Variants in SGSM1 observed in about 807,000 individuals in gnomAD.
SGSM1 encodes small G protein signaling modulator 1.
In SGSM1, 73 loss-of-function variants were observed where a neutral mutation model predicts 133.8. That is an observed-to-expected ratio of 0.55 (90% CI 0.45 to 0.66). The LOEUF is 0.66. Ranked by LOEUF, SGSM1 falls within the 30% of genes least tolerant of loss-of-function variation. SGSM1 has a pLI of 0.00. For synonymous variants in SGSM1, 563 were observed against 573.0 expected (o/e 0.98, Z 0.25); for missense variants, 1,213 against 1,448.1 (o/e 0.84, Z 2.64).
rs562992582 is a variant in SGSM1, at chr22:24,813,915, C to T, written c.63+7431C>T. 1.1e-4 allele frequency: 16 copies of T among 152,356 alleles called. 1 individual carries two copies. The highest frequency in any genetic ancestry group is 3.4e-4 in the African/African-American group (14 of 41,560). 9.4% of individuals were successfully genotyped at this position (152,356 alleles called of 1,614,324 possible). A position where few individuals can be genotyped will look rare whatever the true frequency, so the allele number is the denominator to read the frequency against. ...GGCATTTTGGTCACCCCTAAGGGCC[C>T]GCAGTTGCTGTCTGCAGAGCCCAGG... is the stretch of plus-strand genomic sequence containing the variant. On this transcript the variant is annotated intron_variant, in intron 2 of 24. Transcript: ENST00000400358.
At chr22:24,879,349 C>G in intron 13 of SGSM1, 113 bp from the exon 14 acceptor site, 1 of 952,642 alleles carries the variant, frequency 1.0e-6, no homozygotes, top group Admixed American at 2.1e-5. Flanking sequence ...TACAGTCTCC[C>G]TGACTGGCTG....
intron 22 of SGSM1, among the ~76,000 whole-genome samples, chr22:24,917,014 G>A (rs1031646689): frequency 2.0e-5 from 3 of 151,466 alleles, no homozygotes; most frequent in South Asian, 2.1e-4. Flanking sequence ...GAGTAGCTGG[G>A]ACTACATGCC....
intron 12 of SGSM1, 30 bp downstream of exon 12, chr22:24,868,885 G>C (rs1365245574): frequency 1.2e-6 from 2 of 1,609,752 alleles, no homozygotes; most frequent in Non-Finnish European, 1.7e-6. Context: ...GCCCCGGGGA[G>C]TCACCTGCTA....
intron 16 of SGSM1, 78 bp downstream of exon 16, chr22:24,886,806 C>A: frequency 2.1e-6 from 3 of 1,456,106 alleles, no homozygotes; most frequent in Non-Finnish European, 1.8e-6. Context: ...AGTGCTGGTT[C>A]CACGCTGGAC....
intron 2 of SGSM1, among the ~76,000 whole-genome samples, chr22:24,833,340 C>G (rs1569138682): frequency 1.3e-5 from 2 of 152,088 alleles, no homozygotes; most frequent in African/African-American, 4.8e-5. Flanking sequence ...CCAAAGACAG[C>G]ACATTCTGAG....
chr22:24,921,679 A>G (rs761525283), intron 24 of SGSM1, among the ~76,000 whole-genome samples: 44 of 151,582 alleles, frequency 2.9e-4, no homozygotes, highest in Non-Finnish European at 6.2e-4. Flanking sequence ...TTTAGAAGCC[A>G]TTGAAAAAAT....
intron 2 of SGSM1, among the ~76,000 whole-genome samples, chr22:24,841,026 A>AT (rs981729681): frequency 1.3e-5 from 2 of 151,480 alleles, no homozygotes; most frequent in Non-Finnish European, 1.5e-5. Context: ...AATTTTTTGT[A>AT]TTTTTAGTAG....
intron 3 of SGSM1, among the ~76,000 whole-genome samples, chr22:24,846,038 TTTC>T (rs1930130900): frequency 8.0e-6 from 1 of 124,550 alleles, no homozygotes; most frequent in East Asian, 2.1e-4. Flanking sequence ...TCTCTCTTTC[TTTC>T]TTTTTTTTTT....
intron 2 of SGSM1, chr22:24,844,053 T>C (rs1027237147): frequency 6.6e-6 from 1 of 152,206 alleles, no homozygotes; most frequent in East Asian, 1.9e-4. Flanking sequence ...TATATCTTAT[T>C]CATTCATACA....
intron 9 of SGSM1, 32 bp downstream of exon 9, chr22:24,859,872 G>A (rs1233215046): frequency 1.2e-6 from 2 of 1,611,688 alleles, no homozygotes; most frequent in African/African-American, 2.7e-5. Context: ...GTATCCCTTG[G>A]GTCCCTCCAC....
At chr22:24,818,242 A>AT (rs1471387586) in intron 2 of SGSM1, among the ~76,000 whole-genome samples, 306 of 149,828 alleles carry the variant, frequency 2.0e-3, no homozygotes, top group African/African-American at 6.7e-3. Context: ...AAAAAAAAAA[A>AT]AAATAAAATA....
intron 19 of SGSM1, among the ~76,000 whole-genome samples, chr22:24,899,463 C>T (rs1274287271): frequency 6.6e-6 from 1 of 150,790 alleles, no homozygotes; most frequent in East Asian, 1.9e-4. Context: ...AGTCTACTCT[C>T]TTATTTAGAT....
At chr22:24,809,793 A>G (rs1927626598) in intron 2 of SGSM1, among the ~76,000 whole-genome samples, 1 of 152,154 alleles carries the variant, frequency 6.6e-6, no homozygotes, top group South Asian at 2.1e-4. Flanking sequence ...TCAAAATTAC[A>G]AGGATAATTA....
intron 17 of SGSM1, among the ~76,000 whole-genome samples, chr22:24,894,586 A>G (rs965525249): frequency 6.6e-6 from 1 of 152,160 alleles, no homozygotes; most frequent in African/African-American, 2.4e-5. Context: ...AGCTGTCCGT[A>G]ACTGGTCAAC....
chr22:24,816,519 G>A (rs1412792406), intron 2 of SGSM1, among the ~76,000 whole-genome samples: 4 of 146,702 alleles, frequency 2.7e-5, no homozygotes, highest in Non-Finnish European at 4.5e-5. Context: ...GGGTTCAAGC[G>A]ATTCTTCTGC....
intron 2 of SGSM1, among the ~76,000 whole-genome samples, chr22:24,832,221 G>A (rs1929158581): frequency 6.6e-6 from 1 of 152,104 alleles, no homozygotes; most frequent in African/African-American, 2.4e-5. Flanking sequence ...ATTTGTTGAT[G>A]ATCTTGGGCA....
At chr22:24,905,080 C>T (rs1424933880) in intron 20 of SGSM1, 25 bp from the exon 21 acceptor site, 1 of 1,610,126 alleles carries the variant, frequency 6.2e-7, no homozygotes, top group Non-Finnish European at 8.5e-7. Flanking sequence ...CGGCTGCCAT[C>T]ATTGGCCCCT....
At chr22:24,884,643 A>G (rs1172353965) in intron 15 of SGSM1, among the ~76,000 whole-genome samples, 1 of 152,200 alleles carries the variant, frequency 6.6e-6, no homozygotes, top group African/African-American at 2.4e-5. Context: ...ACCTAAGACT[A>G]AAGTGAAATA....
chr22:24,915,253 T>TAAATAAATAAAC (rs375854809), intron 22 of SGSM1, among the ~76,000 whole-genome samples: 6,714 of 139,342 alleles, frequency 0.048, 395 homozygotes, highest in African/African-American at 0.14. Flanking sequence ...AATAAATAAA[T>TAAATAAATAAAC]AAACAAACAG....
Sources: gnomAD v4.1 joint callset for allele counts (sites outside exome capture counted in the v4.1 genomes callset) on GRCh38, gnomAD v4.1.1 for gene constraint, MANE v1.5 for transcripts, NCBI Gene and HGNC (gene_info 2026-07-23, HGNC 2026-07-21) for gene names.